Variants in SCUBE3 observed in about 807,000 individuals in gnomAD.
SCUBE3 encodes signal peptide, CUB domain and EGF like domain containing 3, also known as signal peptide, CUB and EGF-like domain-containing protein 3.
Under a neutral mutation model 116.8 loss-of-function variants are expected in SCUBE3, and 33 were observed. The ratio of observed to expected loss-of-function variants is 0.28; its 90% CI spans 0.21 to 0.38. SCUBE3 has a LOEUF of 0.38. Among genes scored for constraint, SCUBE3 ranks in the 10% least tolerant of loss-of-function variants. The pLI is 1.00. For missense variants in SCUBE3, 1,007 were observed against 1,324.8 expected (o/e 0.76, Z 3.72); for synonymous variants, 418 against 496.9 (o/e 0.84, Z 2.11).
chr6:35,217,498 G>C (rs1462584699), intron 1 of SCUBE3, among the ~76,000 whole-genome samples: 1 of 151,534 alleles, frequency 6.6e-6, no homozygotes, highest in Non-Finnish European at 1.5e-5. Flanking sequence ...GAGCGTTCAT[G>C]TGGTGGCAAA....
intron 1 of SCUBE3, among the ~76,000 whole-genome samples, chr6:35,216,052 G>A (rs1324075073): frequency 2.0e-5 from 3 of 152,248 alleles, no homozygotes; most frequent in Non-Finnish European, 4.4e-5. Flanking sequence ...GTAACCTAGA[G>A]ACAAGATAAG....
intron 3 of SCUBE3, among the ~76,000 whole-genome samples, chr6:35,230,390 A>G (rs544750525): frequency 2.7e-4 from 41 of 152,350 alleles, no homozygotes; most frequent in South Asian, 4.1e-4. Context: ...AGAGAGGGTC[A>G]AGGGACAAAG....
chr6:35,214,117 C>T lies in SCUBE3; in HGVS notation c.-302C>T, dbSNP rs968894720. Reference sequence around the variant, plus strand: ...GGATTACACGGAGCAGCCCCGCCGCCGCCGCTGGCAGAGGCCGGCTTGGAG... The same window carrying T: ...GGATTACACGGAGCAGCCCCGCCGCTGCCGCTGGCAGAGGCCGGCTTGGAG... On this transcript the variant is annotated 5_prime_UTR_variant, in exon 1 of 22. Transcript: ENST00000274938. The surrounding 1 kb of genome is among the most constrained non-coding windows in gnomAD (Gnocchi z 6.3). Among the ~76,000 whole-genome samples the T allele has an allele frequency of 6.6e-6, 1 of 152,184 alleles. No homozygotes were observed. The highest frequency in any genetic ancestry group is 1.5e-5 in the Non-Finnish European group (1 of 68,014).
chr6:35,221,192 A>C (rs1384033400), intron 1 of SCUBE3: 1 of 152,196 alleles, frequency 6.6e-6, no homozygotes, highest in Non-Finnish European at 1.5e-5. Context: ...GCTGAGGAAC[A>C]TCTGTTGAAG....
chr6:35,244,265 T>G lies in SCUBE3; in HGVS notation c.2239+135T>G. 3 of 737,056 alleles carry G rather than the reference T, an allele frequency of 4.1e-6. No individual in the cohort carries two copies. Among genetic ancestry groups the G allele is most frequent in the Middle Eastern group, 2.6e-4 (1 of 3,898 alleles). 45.7% of individuals were successfully genotyped at this position (737,056 alleles called of 1,614,324 possible). On this transcript the variant is annotated intron_variant, in intron 17 of 21. Coordinates refer to ENST00000274938, the MANE Select transcript of SCUBE3 (RefSeq NM_152753.4). The surrounding 1 kb of genome is among the most constrained non-coding windows in gnomAD (Gnocchi z 4.3). ...ATGGGCCCAGCTACTTGACCAACCA[T>G]ACCATCCTGCTTCCAGGACCCACCC...
At chr6:35,248,013 A>AG (rs1784417319) in intron 21 of SCUBE3, among the ~76,000 whole-genome samples, 1 of 152,252 alleles carries the variant, frequency 6.6e-6, no homozygotes, top group Non-Finnish European at 1.5e-5. Flanking sequence ...GGCTCAGCAG[A>AG]GGGAGCAAGA....
chr6:35,215,363 C>G (rs1782842894), intron 1 of SCUBE3, among the ~76,000 whole-genome samples: 1 of 152,158 alleles, frequency 6.6e-6, no homozygotes, highest in Non-Finnish European at 1.5e-5. Flanking sequence ...CAGGCAGAGA[C>G]TAGGCTGATG....
chr6:35,227,556 A>G (rs1313700522), intron 1 of SCUBE3, 24 bp from the exon 2 acceptor site: 2 of 1,613,790 alleles, frequency 1.2e-6, no homozygotes, highest in Non-Finnish European at 1.7e-6. Flanking sequence ...AGAGGTTCTC[A>G]TGTGCCCCCT....
Position 35,246,219 on chromosome 6 carries a change from G to C in SCUBE3, c.2766G>C (p.Gln922His). ...PYVTYDEDYE[Q>H]LVEDIVRDGR... is the part of the protein sequence containing the mutation. ...TTGACTTTGCAGAGGACTATGAGCAGCTGGTAGAAGACATTGTGCGAGATG... is the reference window on the plus strand; with the variant it reads ...TTGACTTTGCAGAGGACTATGAGCACCTGGTAGAAGACATTGTGCGAGATG... Residue 922 changes from glutamine (Q) to histidine (H), a missense_variant, in exon 21 of 22, where the codon CAG becomes CAC. Physicochemically the swap from Gln to His is conservative, Grantham distance 24. Around this residue, in one of 5 missense-constraint regions of SCUBE3, gnomAD observed 118 missense variants for 196.6 expected, o/e 0.60. Coordinates refer to ENST00000274938, the MANE Select transcript of SCUBE3 (RefSeq NM_152753.4). 1 of 1,614,160 alleles carries C rather than the reference G, an allele frequency of 6.2e-7. No individual in the cohort carries two copies. The highest frequency in any genetic ancestry group is 8.5e-7 in the Non-Finnish European group (1 of 1,179,982).
chr6:35,245,290 G>T lies in SCUBE3; in HGVS notation c.2464G>T (p.Gly822Cys). 2 of 1,614,080 alleles carry T rather than the reference G, an allele frequency of 1.2e-6. No homozygotes were observed. The highest frequency in any genetic ancestry group is 1.7e-6 in the Non-Finnish European group (2 of 1,180,014). The change falls in exon 19 of 22, where the codon GGC becomes TGC. Residue 822 changes from glycine to cysteine, a missense_variant. Around this residue, in one of 5 missense-constraint regions of SCUBE3, gnomAD observed 544 missense variants for 638.9 expected, o/e 0.85. Transcript: ENST00000274938. This position sits in a 1 kb window ranked among gnomAD's most constrained non-coding sequence, Gnocchi z 4.2. ...TGYIESPNYP[G>C]NYPAGVECIW... The stretch of plus-strand genomic sequence containing the variant: ...CTATATTGAGTCCCCCAACTACCCG[G>T]GCAACTACCCAGCTGGTGTGGAGTG...
chr6:35,244,596 C>T lies in SCUBE3; in HGVS notation c.2240-54C>T, dbSNP rs183067505. 1.2e-5 allele frequency: 18 copies of T among 1,486,904 alleles called. No individual in the cohort carries two copies. Among genetic ancestry groups the T allele is most frequent in the Middle Eastern group, 1.7e-4 (1 of 5,830 alleles). The allele number at this position is 1,486,904 out of a possible 1,614,324, so 92.1% of individuals were successfully genotyped here. A position where few individuals can be genotyped will look rare whatever the true frequency, so the allele number is the denominator to read the frequency against. Reference sequence around the variant, plus strand: ...AATGTATCCTGTCCATCCCATGCCCCGTAACTCCCACCTGCCTACCATCTT... The same window carrying T: ...AATGTATCCTGTCCATCCCATGCCCTGTAACTCCCACCTGCCTACCATCTT... On this transcript the variant is annotated intron_variant, in intron 17 of 21. Transcript: ENST00000274938. The surrounding 1 kb of genome is among the most constrained non-coding windows in gnomAD (Gnocchi z 4.3).
In SCUBE3 at chr6:35,248,596, A is replaced by G; in HGVS notation, c.2873A>G (p.His958Arg). The G allele has an allele frequency of 6.2e-7, 1 of 1,613,918 alleles. No homozygotes were observed. Among genetic ancestry groups the G allele is most frequent in the South Asian group, 1.1e-5 (1 of 91,078 alleles). The change falls in exon 22 of 22, where the codon CAC becomes CGC. Residue 958 changes from histidine to arginine, a missense_variant. Around this residue, in one of 5 missense-constraint regions of SCUBE3, gnomAD observed 118 missense variants for 196.6 expected, o/e 0.60. Coordinates refer to ENST00000274938, the MANE Select transcript of SCUBE3 (RefSeq NM_152753.4). ...LIKAFFEVLAHPQNYFKYTEK... is the reference protein window; with the variant it reads ...LIKAFFEVLARPQNYFKYTEK... ...AAGGCCTTCTTTGAGGTGCTAGCCC[A>G]CCCCCAGAACTACTTCAAGTACACA...
At position 35,246,671 on chromosome 6, in the gene SCUBE3, G is replaced by T. The variant is rs192527861; in HGVS notation, c.2832+386G>T. On this transcript the variant is annotated intron_variant, in intron 21 of 21. Coordinates refer to ENST00000274938, the MANE Select transcript of SCUBE3 (RefSeq NM_152753.4). The stretch of plus-strand genomic sequence containing the variant: ...CTTCCTTCCCCTATTCTCTCCCCAG[G>T]CCTCATTAAGCAGCAGCAGATAGGC... 1.1e-4 allele frequency among the ~76,000 whole-genome samples: 16 copies of T among 152,310 alleles called. No individual in the cohort carries two copies. In the East Asian group the frequency reaches 2.9e-3, roughly 28 times the overall value.
At chr6:35,238,345 A>C (rs1158904298) in intron 7 of SCUBE3, among the ~76,000 whole-genome samples, 1 of 146,998 alleles carries the variant, frequency 6.8e-6, no homozygotes, top group Non-Finnish European at 1.6e-5. Flanking sequence ...TTGAGCCCTG[A>C]CTGTGTGTGT....
rs1012257742 is a variant in SCUBE3, at chr6:35,240,592, T to C, written c.1069+102T>C. On this transcript the variant is annotated intron_variant, in intron 9 of 21. Transcript: ENST00000274938. This position sits in a 1 kb window ranked among gnomAD's most constrained non-coding sequence, Gnocchi z 4.6. ...TTGGCTTGTGGCTATGGGCAATCCC[T>C]GGATGCATGCACCATGTCTGCATCC... 26 of 600,438 alleles carry C rather than the reference T, an allele frequency of 4.3e-5. No individual in the cohort carries two copies. The highest frequency in any genetic ancestry group is 7.7e-5 in the Non-Finnish European group (26 of 335,690). 37.2% of individuals were successfully genotyped at this position (600,438 alleles called of 1,614,324 possible). A position where few individuals can be genotyped will look rare whatever the true frequency, so the allele number is the denominator to read the frequency against.
intron 13 of SCUBE3, 73 bp from the exon 14 acceptor site, chr6:35,242,542 AGATCTGG>A: frequency 7.9e-7 from 1 of 1,271,898 alleles, no homozygotes; most frequent in Non-Finnish European, 1.1e-6. Context: ...TTACAGTTAG[AGATCTGG>A]GGAGGTCTGT....
chr6:35,218,259 G>GGT lies in SCUBE3; in HGVS notation c.85+3770_85+3771dup, dbSNP rs143349311. ...GTGTGAATGTGTGTGCATGACTCAG[G>GGT]GTGTGTGTGTGTGTGAAGTGCTCTG... On this transcript the variant is annotated intron_variant, in intron 1 of 21. Coordinates refer to ENST00000274938, the MANE Select transcript of SCUBE3 (RefSeq NM_152753.4). The GGT allele has an allele frequency of 4.0e-3, 1,797 of 449,790 alleles. 33 individuals are homozygous for GGT. The highest frequency in any genetic ancestry group is 0.034 in the African/African-American group (1,593 of 46,418). 27.9% of individuals were successfully genotyped at this position (449,790 alleles called of 1,614,324 possible). A position where few individuals can be genotyped will look rare whatever the true frequency, so the allele number is the denominator to read the frequency against.
chr6:35,228,523 A>G lies in SCUBE3; in HGVS notation c.209-91A>G. On this transcript the variant is annotated intron_variant, in intron 2 of 21. Transcript: ENST00000274938. The surrounding 1 kb of genome is among the most constrained non-coding windows in gnomAD (Gnocchi z 4.9). ...TAAATGGCTTATAGGCCATGAACAT[A>G]ACTATGTAAACACAACCATAAGGCT... The G allele has an allele frequency of 7.2e-7, 1 of 1,383,234 alleles. No individual in the cohort carries two copies. Among genetic ancestry groups the G allele is most frequent in the Non-Finnish European group, 1.0e-6 (1 of 992,372 alleles). The allele number at this position is 1,383,234 out of a possible 1,614,324, so 85.7% of individuals were successfully genotyped here. A position where few individuals can be genotyped will look rare whatever the true frequency, so the allele number is the denominator to read the frequency against.
Position 35,241,073 on chromosome 6 carries a change from A to G in SCUBE3, c.1070-68A>G. 4 of 1,497,908 alleles carry G rather than the reference A, an allele frequency of 2.7e-6. No homozygotes were observed. The highest frequency in any genetic ancestry group is 3.6e-6 in the Non-Finnish European group (4 of 1,102,238). The allele number at this position is 1,497,908 out of a possible 1,614,324, so 92.8% of individuals were successfully genotyped here. A position where few individuals can be genotyped will look rare whatever the true frequency, so the allele number is the denominator to read the frequency against. ...AAACTCTAACCAAAGGCCCTCACTC[A>G]CTGCCTACTCTCCGGCTCCTCCTCC... On this transcript the variant is annotated intron_variant, in intron 9 of 21. Transcript: ENST00000274938. This position sits in a 1 kb window ranked among gnomAD's most constrained non-coding sequence, Gnocchi z 4.1.
Sources: gnomAD v4.1 joint callset for allele counts (sites outside exome capture counted in the v4.1 genomes callset) on GRCh38, gnomAD v4.1.1 for gene constraint, gnomAD v4.1.1 regional missense constraint, Gnocchi (gnomAD v3.1) non-coding constraint, MANE v1.5 for transcripts, NCBI Gene and HGNC (gene_info 2026-07-23, HGNC 2026-07-21) for gene names.